TMA16: variants seen among roughly 807,000 people sequenced by gnomAD.
TMA16 encodes translation machinery-associated protein 16.
In TMA16, 26 loss-of-function variants were observed where a neutral mutation model predicts 27.1. The ratio of observed to expected loss-of-function variants is 0.96; its 90% CI spans 0.70 to 1.33. The LOEUF is 1.33. TMA16 is among the 40% of genes most tolerant of loss of function. TMA16 has a pLI of 0.00. For missense variants in TMA16, 233 were observed against 241.4 expected (o/e 0.97, Z 0.23); for synonymous variants, 71 against 81.9 (o/e 0.87, Z 0.72).
rs1045346190 is a variant in TMA16 at position 163,496,218 on chromosome 4, G to A, written c.3+1414G>A. ...GAATGTGGTCCCAAAGGACAGAGTT[G>A]GGCACCTGTCTTTCCCTGAGTTGCC... On this transcript the variant is annotated intron_variant, in intron 1 of 6. Coordinates refer to ENST00000358572, the MANE Select transcript of TMA16 (RefSeq NM_018352.3). Among the ~76,000 whole-genome samples the A allele has an allele frequency of 3.9e-5, 6 of 152,052 alleles. No homozygotes were observed. In the East Asian group the frequency reaches 1.2e-3, roughly 29 times the overall value.
Position 163,505,374 on chromosome 4 carries a change from G to C in TMA16, c.4-1659G>C, listed in dbSNP as rs190563330. On this transcript the variant is annotated intron_variant, in intron 1 of 6. Transcript: ENST00000358572. ...ACTTCCAGTGATACCTTAAGATTCA[G>C]ATGTGGATATATCTTCTCAGGTTTA... 2.6e-5 allele frequency among the ~76,000 whole-genome samples: 4 copies of C among 152,276 alleles called. No individual in the cohort carries two copies. In the East Asian group the frequency reaches 7.7e-4, roughly 29 times the overall value.
At chr4:163,507,593 CACA>C (rs906613041) in intron 2 of TMA16, among the ~76,000 whole-genome samples, 1 of 152,008 alleles carries the variant, frequency 6.6e-6, no homozygotes, top group African/African-American at 2.4e-5. Flanking sequence ...GGGGTATTGA[CACA>C]AATTTGGGAG....
At chr4:163,506,038 C>T (rs1579016315) in intron 1 of TMA16, among the ~76,000 whole-genome samples, 2 of 152,264 alleles carry the variant, frequency 1.3e-5, no homozygotes, top group East Asian at 3.9e-4. Context: ...TTACTACTCT[C>T]CCTTATGTAA....
chr4:163,519,665 T>TA lies in TMA16; in HGVS notation c.*152dup. 1.3e-6 allele frequency: 1 copy of TA among 744,718 alleles called. No individual in the cohort carries two copies. Among genetic ancestry groups the TA allele is most frequent in the Non-Finnish European group, 2.1e-6 (1 of 483,806 alleles). 46.1% of individuals were successfully genotyped at this position (744,718 alleles called of 1,614,324 possible). On this transcript the variant is annotated 3_prime_UTR_variant, in exon 7 of 7. Transcript: ENST00000358572. Reference sequence around the variant, plus strand: ...TTGCGTTTCAAAAATGGTGTTATGATACTTATTTTAAAATGAAGATTGCTT... The same window carrying TA: ...TTGCGTTTCAAAAATGGTGTTATGATAACTTATTTTAAAATGAAGATTGCTT...
intron 1 of TMA16, among the ~76,000 whole-genome samples, chr4:163,505,020 A>T (rs942264387): frequency 2.6e-5 from 4 of 152,290 alleles, no homozygotes; most frequent in East Asian, 1.9e-4. Flanking sequence ...CTTCTTTGAT[A>T]ACCTAATCTC....
chr4:163,504,607 C>G (rs1228812022), intron 1 of TMA16, among the ~76,000 whole-genome samples: 1 of 152,182 alleles, frequency 6.6e-6, no homozygotes, highest in East Asian at 1.9e-4. Context: ...AAGCTATCCT[C>G]CCACCTCAGC....
chr4:163,506,833 G>C (rs3816244), intron 1 of TMA16, among the ~76,000 whole-genome samples, 200 bp from the exon 2 acceptor site: 1 of 151,892 alleles, frequency 6.6e-6, no homozygotes, highest in African/African-American at 2.4e-5. Context: ...TGAATATATC[G>C]TTTCTGTCAT....
chr4:163,517,344 T>A, intron 5 of TMA16, 90 bp from the exon 6 acceptor site: 1 of 1,298,936 alleles, frequency 7.7e-7, no homozygotes. Context: ...TTCTGTTGGA[T>A]ATTCTTGCTA....
Position 163,499,845 on chromosome 4 carries a change from A to G in TMA16, c.3+5041A>G, listed in dbSNP as rs115338658. 3.7e-3 allele frequency among the ~76,000 whole-genome samples: 563 copies of G among 152,148 alleles called. 1 individual carries two copies. The highest frequency in any genetic ancestry group is 6.3e-3 in the Non-Finnish European group (426 of 68,004). The stretch of plus-strand genomic sequence containing the variant: ...CAACTGAATTTATTTACATTTTTTG[A>G]GTGCTTGAAATAGTTAATGCTAATC... On this transcript the variant is annotated intron_variant, in intron 1 of 6. Transcript: ENST00000358572.
At position 163,501,316 on chromosome 4, in the gene TMA16, T is replaced by TAA. The variant is rs561661992; in HGVS notation, c.4-5716_4-5715insAA. Among the ~76,000 whole-genome samples the TAA allele has an allele frequency of 3.8e-3, 578 of 152,340 alleles. 7 individuals carry two copies. The highest frequency in any genetic ancestry group is 0.013 in the African/African-American group (552 of 41,584). ...CGTGTGAGATGAGTTTAAACCACGC[T>TAA]ACTTCTTTCTTAGTACGTTTATTGT... On this transcript the variant is annotated intron_variant, in intron 1 of 6. Coordinates refer to ENST00000358572, the MANE Select transcript of TMA16 (RefSeq NM_018352.3).
intron 5 of TMA16, among the ~76,000 whole-genome samples, chr4:163,516,774 T>C (rs1031038200): frequency 1.2e-4 from 18 of 152,334 alleles, no homozygotes; most frequent in African/African-American, 4.3e-4. Flanking sequence ...AAGTCTTTTT[T>C]TCACATTTGG....
chr4:163,519,307 C>G, intron 6 of TMA16, 27 bp from the exon 7 acceptor site: 1 of 1,521,432 alleles, frequency 6.6e-7, no homozygotes, highest in South Asian at 1.3e-5. Flanking sequence ...ACACTCTGCA[C>G]TCTTTTTTTT....
At chr4:163,512,968 A>ATAAAC in intron 3 of TMA16, 109 bp downstream of exon 3, 1 of 785,122 alleles carries the variant, frequency 1.3e-6, no homozygotes, top group South Asian at 2.2e-5. Context: ...ATCAAAGTGA[A>ATAAAC]TTTGATCAGA....
At chr4:163,499,462 AG>A (rs908081824) in intron 1 of TMA16, among the ~76,000 whole-genome samples, 1 of 152,106 alleles carries the variant, frequency 6.6e-6, no homozygotes, top group African/African-American at 2.4e-5. Flanking sequence ...GTGTTCTATG[AG>A]GAACTTAATT....
At position 163,495,049 on chromosome 4, in the gene TMA16, G is replaced by A. The variant is rs541097214; in HGVS notation, c.3+245G>A. ...CTCACACGTCGCCTTGCTCCTCTTT[G>A]CCTTGTGCCTAACTTCTCGCTAGTC... is the stretch of plus-strand genomic sequence containing the variant. On this transcript the variant is annotated intron_variant, in intron 1 of 6. Coordinates refer to ENST00000358572, the MANE Select transcript of TMA16 (RefSeq NM_018352.3). Among the ~76,000 whole-genome samples, 10 of 152,068 alleles carry A rather than the reference G, an allele frequency of 6.6e-5. No individual in the cohort carries two copies. In the South Asian group the frequency reaches 2.1e-3, roughly 32 times the overall value.
At chr4:163,510,859 A>G (rs1301613751) in intron 2 of TMA16, among the ~76,000 whole-genome samples, 1 of 152,234 alleles carries the variant, frequency 6.6e-6, no homozygotes, top group African/African-American at 2.4e-5. Flanking sequence ...AAATGTGACT[A>G]CTTGACCATT....
intron 2 of TMA16, 58 bp from the exon 3 acceptor site, chr4:163,512,764 G>A: frequency 7.4e-7 from 1 of 1,342,742 alleles, no homozygotes; most frequent in African/African-American, 1.5e-5. Context: ...GTTATTGTCA[G>A]AGTTTTAAAA....
chr4:163,513,145 C>T (rs1737821898), intron 3 of TMA16, among the ~76,000 whole-genome samples: 1 of 152,134 alleles, frequency 6.6e-6, no homozygotes, highest in Admixed American at 6.5e-5. Flanking sequence ...TTAACTCTAC[C>T]TCCCTAACCA....
chr4:163,503,187 T>C (rs892614979), intron 1 of TMA16, among the ~76,000 whole-genome samples: 1 of 152,206 alleles, frequency 6.6e-6, no homozygotes, highest in Non-Finnish European at 1.5e-5. Context: ...GGAAATCACC[T>C]ACTGACTCGT....
Sources: gnomAD v4.1 joint callset for allele counts (sites outside exome capture counted in the v4.1 genomes callset) on GRCh38, gnomAD v4.1.1 for gene constraint, MANE v1.5 for transcripts, NCBI Gene and HGNC (gene_info 2026-07-23, HGNC 2026-07-21) for gene names.